Variants in TRAM2 observed in about 807,000 individuals in gnomAD.
TRAM2 encodes translocating chain-associated membrane protein 2.
TRAM2 carries 12 observed loss-of-function variants against 51.0 expected under a neutral mutation model. The ratio of observed to expected loss-of-function variants is 0.24; its 90% CI spans 0.15 to 0.38. The LOEUF is 0.38. Ranked by LOEUF, TRAM2 falls within the 10% of genes least tolerant of loss-of-function variation. The pLI, the probability that TRAM2 is intolerant of heterozygous loss-of-function variation, is 1.00. For missense variants in TRAM2, 361 were observed against 462.0 expected (o/e 0.78, Z 2.00); for synonymous variants, 175 against 179.4 (o/e 0.98, Z 0.20).
chr6:52,559,267 G>A (rs1767458048), intron 1 of TRAM2, among the ~76,000 whole-genome samples: 1 of 152,190 alleles, frequency 6.6e-6, no homozygotes, highest in South Asian at 2.1e-4. Flanking sequence ...TGTAACAGAC[G>A]CGACGGATTA....
At chr6:52,522,475 G>A (rs902101046) in intron 2 of TRAM2, among the ~76,000 whole-genome samples, 1 of 152,244 alleles carries the variant, frequency 6.6e-6, no homozygotes, top group African/African-American at 2.4e-5. Flanking sequence ...ACACCAGACT[G>A]GCCAAAGAAA....
intron 1 of TRAM2, among the ~76,000 whole-genome samples, chr6:52,550,703 C>G (rs1021863611): frequency 1.3e-5 from 2 of 152,104 alleles, no homozygotes; most frequent in Non-Finnish European, 2.9e-5. Flanking sequence ...AGGAATGCAC[C>G]ACCACACCCG....
intron 1 of TRAM2, among the ~76,000 whole-genome samples, chr6:52,548,180 A>T (rs755429496): frequency 6.6e-6 from 1 of 152,258 alleles, no homozygotes; most frequent in African/African-American, 2.4e-5. Flanking sequence ...AGATGAAAGC[A>T]ATTACGAGAC....
At chr6:52,531,557 T>C (rs1766892475) in intron 2 of TRAM2, among the ~76,000 whole-genome samples, 1 of 152,218 alleles carries the variant, frequency 6.6e-6, no homozygotes, top group Non-Finnish European at 1.5e-5. Context: ...AGTGCCACCC[T>C]GGGAAAATGC....
intron 1 of TRAM2, among the ~76,000 whole-genome samples, chr6:52,573,552 G>C (rs114500313): frequency 0.015 from 2,246 of 152,252 alleles, 59 homozygotes; most frequent in African/African-American, 0.052. Context: ...CTGGGTTCAG[G>C]GGGGAAAAGC....
In TRAM2 at chr6:52,499,924, T is replaced by C. The variant is rs1403742896; in HGVS notation, c.*3273A>G. 2 of 152,054 alleles carry C rather than the reference T, an allele frequency of 1.3e-5. No homozygotes were observed. The highest frequency in any genetic ancestry group is 2.9e-5 in the Non-Finnish European group (2 of 68,028). 9.4% of individuals were successfully genotyped at this position (152,054 alleles called of 1,614,324 possible). A position where few individuals can be genotyped will look rare whatever the true frequency, so the allele number is the denominator to read the frequency against. On this transcript the variant is annotated 3_prime_UTR_variant, in exon 11 of 11. Transcript: ENST00000182527. Reference sequence around the variant, plus strand: ...TCTCACCCAGAACCATCCCCTACCTTCAAAAGGAACACATGCAATTTATTA... The same window carrying C: ...TCTCACCCAGAACCATCCCCTACCTCCAAAAGGAACACATGCAATTTATTA...
intron 1 of TRAM2, among the ~76,000 whole-genome samples, chr6:52,562,188 C>T (rs1244345045): frequency 6.6e-6 from 1 of 152,114 alleles, no homozygotes; most frequent in Admixed American, 6.5e-5. Flanking sequence ...GTGCTGGGTA[C>T]TACAGATACT....
chr6:52,509,785 C>A (rs556502833), intron 4 of TRAM2, among the ~76,000 whole-genome samples, 199 bp from the exon 5 acceptor site: 1 of 152,134 alleles, frequency 6.6e-6, no homozygotes, highest in Non-Finnish European at 1.5e-5. Flanking sequence ...AAGAGTCATG[C>A]TGGAGTAGGA....
rs890916686 is a variant in TRAM2 at position 52,502,453 on chromosome 6, A to G, written c.*744T>C. ...TGGGAAGACGTGTCCCCCCCCACAG[A>G]GCGACAGCAGGCTGGCTTCCAATCC... On this transcript the variant is annotated 3_prime_UTR_variant, in exon 11 of 11. Transcript: ENST00000182527. The G allele has an allele frequency of 3.9e-5, 6 of 152,086 alleles. No individual in the cohort carries two copies. The highest frequency in any genetic ancestry group is 1.2e-4 in the African/African-American group (5 of 41,388). The allele number at this position is 152,086 out of a possible 1,614,324, so 9.4% of individuals were successfully genotyped here.
intron 1 of TRAM2, among the ~76,000 whole-genome samples, chr6:52,572,298 A>G (rs1767692394): frequency 6.6e-6 from 1 of 152,254 alleles, no homozygotes; most frequent in Non-Finnish European, 1.5e-5. Flanking sequence ...CTTCTTCGAA[A>G]GTGCATTAGA....
rs116592495 is a variant in TRAM2 at position 52,498,666 on chromosome 6, C to G, written c.*4531G>C. On this transcript the variant is annotated 3_prime_UTR_variant, in exon 11 of 11. Coordinates refer to ENST00000182527, the MANE Select transcript of TRAM2 (RefSeq NM_012288.4). ...GCCACCCAGCTGGGCCAGAAGAGAA[C>G]TGACACAAGGGAGAAACCAAAAACA... The G allele has an allele frequency of 7.5e-3, 1,150 of 152,898 alleles. 14 individuals are homozygous for G. Among genetic ancestry groups the G allele is most frequent in the African/African-American group, 0.026 (1,066 of 41,498 alleles). The allele number at this position is 152,898 out of a possible 1,614,324, so 9.5% of individuals were successfully genotyped here. A position where few individuals can be genotyped will look rare whatever the true frequency, so the allele number is the denominator to read the frequency against.
Position 52,505,561 on chromosome 6 carries a change from C to T in TRAM2, c.875+38G>A, listed in dbSNP as rs1332314625. The T allele has an allele frequency of 4.5e-6, 7 of 1,570,658 alleles. No homozygotes were observed. The African/African-American group carries it at 8.1e-5, about 18-fold the overall frequency. On this transcript the variant is annotated intron_variant, in intron 9 of 10. Coordinates refer to ENST00000182527, the MANE Select transcript of TRAM2 (RefSeq NM_012288.4). The stretch of plus-strand genomic sequence containing the variant: ...CAAGGGCTGTGCCAAGTTCAGGAGG[C>T]TCCCTGGCTTATCACCTTGGACTTC...
At chr6:52,524,407 T>C (rs1384825211) in intron 2 of TRAM2, 1 of 113,724 alleles carries the variant, frequency 8.8e-6, no homozygotes, top group Non-Finnish European at 1.7e-5. Flanking sequence ...AAGAAATTCT[T>C]GGGGCGGGGG....
chr6:52,502,258 G>T lies in TRAM2; in HGVS notation c.*939C>A, dbSNP rs1766245413. ...GTGAGGACCAGCCTATCTCAGGCAG[G>T]TATATGAACTGCTGTTTGGTTTGGT... On this transcript the variant is annotated 3_prime_UTR_variant, in exon 11 of 11. Transcript: ENST00000182527. 1 of 152,290 alleles carries T rather than the reference G, an allele frequency of 6.6e-6. No individual in the cohort carries two copies. 9.4% of individuals were successfully genotyped at this position (152,290 alleles called of 1,614,324 possible). A position where few individuals can be genotyped will look rare whatever the true frequency, so the allele number is the denominator to read the frequency against.
chr6:52,562,582 T>C (rs1000933061), intron 1 of TRAM2, among the ~76,000 whole-genome samples: 4 of 152,212 alleles, frequency 2.6e-5, no homozygotes, highest in East Asian at 1.9e-4. Context: ...AATTATACTT[T>C]AAGTTCTAGG....
At chr6:52,505,934 G>T (rs1463913403) in intron 8 of TRAM2, 98 bp downstream of exon 8, 2 of 1,436,598 alleles carry the variant, frequency 1.4e-6, no homozygotes, top group South Asian at 2.4e-5. Context: ...AGGTAAGCGG[G>T]CAGTGTGCAA....
At chr6:52,527,726 A>C (rs967590582) in intron 2 of TRAM2, among the ~76,000 whole-genome samples, 2 of 152,242 alleles carry the variant, frequency 1.3e-5, no homozygotes, top group Non-Finnish European at 2.9e-5. Flanking sequence ...AAATTATCAG[A>C]GCTACGACAG....
chr6:52,565,984 T>C (rs191012909), intron 1 of TRAM2, among the ~76,000 whole-genome samples: 4 of 152,340 alleles, frequency 2.6e-5, no homozygotes, highest in Admixed American at 2.6e-4. Flanking sequence ...CTTATTTAGC[T>C]AACAAAACAA....
intron 2 of TRAM2, chr6:52,529,675 T>G (rs1405113239): frequency 6.6e-6 from 1 of 152,240 alleles, no homozygotes; most frequent in African/African-American, 2.4e-5. Context: ...ATTTTGCAGA[T>G]GCAAGATGGA....
Sources: allele counts gnomAD v4.1 joint callset (sites outside exome capture counted in the v4.1 genomes callset), GRCh38; gene constraint gnomAD v4.1.1; transcripts MANE v1.5; gene names NCBI Gene and HGNC (gene_info 2026-07-23, HGNC 2026-07-21).